Variants in LRBA observed in about 807,000 individuals in gnomAD.
LRBA encodes LPS responsive beige-like anchor protein, also known as lipopolysaccharide-responsive and beige-like anchor protein.
LRBA carries 176 observed loss-of-function variants against 330.0 expected under a neutral mutation model. The observed-to-expected ratio is 0.53, with a 90% CI of 0.47 to 0.60. The LOEUF is 0.60. LRBA is among the 20% of genes least tolerant of loss of function. The pLI is 0.00. For synonymous variants in LRBA, 1,230 were observed against 1,193.0 expected (o/e 1.03, Z -0.64); for missense variants, 3,259 against 3,444.8 (o/e 0.95, Z 1.35).
chr4:150,503,682 C>A (rs540219873), intron 40 of LRBA, among the ~76,000 whole-genome samples: 1 of 152,238 alleles, frequency 6.6e-6, no homozygotes, highest in South Asian at 2.1e-4. Flanking sequence ...AAAATCAGAG[C>A]ACCTCTCCTC....
intron 46 of LRBA, among the ~76,000 whole-genome samples, chr4:150,418,894 G>C (rs1748164863): frequency 7.0e-6 from 1 of 142,176 alleles, no homozygotes; most frequent in African/African-American, 2.4e-5. Flanking sequence ...TTTAAAGAGA[G>C]AGAAGCCAAA....
intron 40 of LRBA, among the ~76,000 whole-genome samples, chr4:150,537,225 G>A (rs983139857): frequency 2.0e-5 from 3 of 152,168 alleles, no homozygotes; most frequent in Admixed American, 6.5e-5. Flanking sequence ...AAGCAATGGC[G>A]AAAGGACTGC....
rs1238543829 is a variant in LRBA, at chr4:150,817,216, G to A, written c.5213C>T (p.Ser1738Phe). 2 of 1,612,208 alleles carry A rather than the reference G, an allele frequency of 1.2e-6. No individual in the cohort carries two copies. Among genetic ancestry groups the A allele is most frequent in the Non-Finnish European group, 8.5e-7 (1 of 1,178,766 alleles). Residue 1738 changes from serine to phenylalanine, a missense_variant, in exon 31 of 57, where the codon TCC becomes TTC. Transcript: ENST00000651943. Reference sequence around the variant, plus strand: ...GGTAGGTATGCTTGTATTAAAGGTGGAAGGTGAGACTGCTGACTTTTTTGC... The same window carrying A: ...GGTAGGTATGCTTGTATTAAAGGTGAAAGGTGAGACTGCTGACTTTTTTGC... ...VAAKKSAVSP[S>F]TFNTSIPTNA...
chr4:150,470,067 C>A (rs1384604344), intron 43 of LRBA, among the ~76,000 whole-genome samples: 9 of 152,110 alleles, frequency 5.9e-5, no homozygotes. Flanking sequence ...CCTAAAATCC[C>A]AGCTACTTGG....
chr4:150,607,352 G>A (rs1255096263), intron 37 of LRBA, among the ~76,000 whole-genome samples: 1 of 152,032 alleles, frequency 6.6e-6, no homozygotes, highest in Non-Finnish European at 1.5e-5. Context: ...ATCTGAGGTA[G>A]AATAGATAAG....
intron 9 of LRBA, among the ~76,000 whole-genome samples, chr4:150,913,752 C>T (rs1046794069): frequency 1.3e-5 from 2 of 152,174 alleles, no homozygotes; most frequent in Non-Finnish European, 2.9e-5. Flanking sequence ...GGTGAACTGA[C>T]CCTATCATCA....
At chr4:150,429,621 A>G (rs1054217082) in intron 46 of LRBA, among the ~76,000 whole-genome samples, 1 of 152,160 alleles carries the variant, frequency 6.6e-6, no homozygotes, top group Non-Finnish European at 1.5e-5. Context: ...GGAGTCAGAT[A>G]TCAGGAGAAA....
At position 150,868,200 on chromosome 4, in the gene LRBA, T is replaced by C. The variant is rs146386915; in HGVS notation, c.2555A>G (p.Asn852Ser). ...AGCTTACCTCCTGTTTTCTCTACTG[T>C]TATTAAAAAGTTTAATCATGTCAGA... ...FLSDMIKLFN[N>S]SRENRRSLLQ... Residue 852 changes from asparagine to serine, a missense_variant, in exon 21 of 57, where the codon AAC becomes AGC. Physicochemically the swap from Asn to Ser is conservative, Grantham distance 46. Transcript: ENST00000651943. 7 of 1,612,052 alleles carry C rather than the reference T, an allele frequency of 4.3e-6. No homozygotes were observed. Among genetic ancestry groups the C allele is most frequent in the Middle Eastern group, 1.6e-4 (1 of 6,072 alleles).
chr4:150,828,401 C>A lies in LRBA; in HGVS notation c.4950G>T (p.Lys1650Asn). The change falls in exon 30 of 57, where the codon AAG becomes AAT. Residue 1650 changes from lysine (K) to asparagine (N), a missense_variant. Physicochemically the swap from Lys to Asn is moderately conservative, Grantham distance 94. Coordinates refer to ENST00000651943, the MANE Select transcript of LRBA (RefSeq NM_001364905.1). ...CTCTATCATTTTTGGTTTCCGGAGACTTATTGACTTCTAAAGAAAGAGTAG... is the reference window on the plus strand; with the variant it reads ...CTCTATCATTTTTGGTTTCCGGAGAATTATTGACTTCTAAAGAAAGAGTAG... ...VLSTLSLEVN[K>N]SPETKNDRGN... 6.2e-7 allele frequency: 1 copy of A among 1,614,070 alleles called. No individual in the cohort carries two copies. The highest frequency in any genetic ancestry group is 8.5e-7 in the Non-Finnish European group (1 of 1,179,996).
At chr4:150,738,055 A>G (rs1287430803) in intron 35 of LRBA, among the ~76,000 whole-genome samples, 2 of 146,486 alleles carry the variant, frequency 1.4e-5, no homozygotes, top group Admixed American at 6.9e-5. Flanking sequence ...TAATGGCACA[A>G]TCTCGGGTCA....
At chr4:150,341,821 G>T (rs1735618001) in intron 48 of LRBA, among the ~76,000 whole-genome samples, 1 of 151,290 alleles carries the variant, frequency 6.6e-6, no homozygotes, top group Non-Finnish European at 1.5e-5. Flanking sequence ...TTCATACTAA[G>T]ATACTAATGT....
chr4:150,436,724 T>C lies in LRBA; in HGVS notation c.6921A>G (p.Ile2307Met), dbSNP rs201643144. The C allele has an allele frequency of 7.0e-5, 112 of 1,610,772 alleles. No individual in the cohort carries two copies. Among genetic ancestry groups the C allele is most frequent in the Non-Finnish European group, 9.0e-5 (106 of 1,177,914 alleles). Residue 2307 changes from isoleucine (I) to methionine (M), a missense_variant and splice_region_variant, in exon 45 of 57, where the codon ATA becomes ATG. Coordinates refer to ENST00000651943, the MANE Select transcript of LRBA (RefSeq NM_001364905.1). ...GGTGTATTATTCAAATTGAACTTAC[T>C]ATTCTTAGCAGCCATGCAAGAACAA... ...ASFVLAWLLR[I>M]EPFTTYFLNL...
chr4:150,493,733 G>C (rs1239753510), intron 40 of LRBA, among the ~76,000 whole-genome samples: 1 of 152,098 alleles, frequency 6.6e-6, no homozygotes, highest in African/African-American at 2.4e-5. Flanking sequence ...TGGTACTTGA[G>C]TTTGCTACCC....
intron 2 of LRBA, among the ~76,000 whole-genome samples, chr4:150,950,949 T>G (rs1736773577): frequency 6.6e-6 from 1 of 152,188 alleles, no homozygotes; most frequent in Non-Finnish European, 1.5e-5. Context: ...GTTTTTTAAT[T>G]TATAAGGTGA....
chr4:150,811,457 C>T (rs1252187512), intron 31 of LRBA, among the ~76,000 whole-genome samples: 4 of 149,728 alleles, frequency 2.7e-5, no homozygotes, highest in African/African-American at 7.3e-5. Context: ...GTGCATGAGG[C>T]TTTAGGCAAA....
chr4:150,296,376 C>A (rs1030195400), intron 53 of LRBA, among the ~76,000 whole-genome samples: 3 of 151,974 alleles, frequency 2.0e-5, no homozygotes, highest in Non-Finnish European at 2.9e-5. Flanking sequence ...AAGGCAGAAA[C>A]AATTCAGAGA....
intron 2 of LRBA, among the ~76,000 whole-genome samples, chr4:151,011,797 C>G (rs1333223752): frequency 2.0e-5 from 3 of 151,904 alleles, no homozygotes; most frequent in Non-Finnish European, 4.4e-5. Flanking sequence ...ACCTCATCCT[C>G]CCAAGTAGCT....
chr4:150,781,860 A>T (rs1560809485), intron 34 of LRBA, among the ~76,000 whole-genome samples: 3 of 152,146 alleles, frequency 2.0e-5, no homozygotes, highest in African/African-American at 7.2e-5. Context: ...AGTCCTCAAC[A>T]GTGCCTAATT....
chr4:150,386,033 G>A (rs145009919), intron 47 of LRBA, among the ~76,000 whole-genome samples: 2 of 152,194 alleles, frequency 1.3e-5, no homozygotes, highest in East Asian at 1.9e-4. Flanking sequence ...CTGCCGATGG[G>A]TTACTAATCA....
Sources: gnomAD v4.1 joint callset for allele counts (sites outside exome capture counted in the v4.1 genomes callset) on GRCh38, gnomAD v4.1.1 for gene constraint, MANE v1.5 for transcripts, NCBI Gene and HGNC (gene_info 2026-07-23, HGNC 2026-07-21) for gene names.